BBS9: variants seen among roughly 807,000 people sequenced by gnomAD.
BBS9 encodes Bardet-Biedl syndrome 9, also known as protein PTHB1.
A neutral mutation model predicts 117.7 loss-of-function variants in BBS9; 89 were observed. That is an observed-to-expected ratio of 0.76 (90% CI 0.64 to 0.90). The LOEUF is 0.90. BBS9 is among the 40% of genes least tolerant of loss of function. BBS9 has a pLI of 0.00. For synonymous variants in BBS9, 379 were observed against 370.9 expected (o/e 1.02, Z -0.25); for missense variants, 982 against 1,042.2 (o/e 0.94, Z 0.80).
At chr7:33,594,401 A>C (rs950303635) in intron 21 of BBS9, among the ~76,000 whole-genome samples, 1 of 149,604 alleles carries the variant, frequency 6.7e-6, no homozygotes, top group Admixed American at 6.7e-5. Flanking sequence ...CTGCAGCTGA[A>C]CACTGTTGTC....
At chr7:33,413,545 C>T (rs1268194199) in intron 19 of BBS9, among the ~76,000 whole-genome samples, 1 of 152,124 alleles carries the variant, frequency 6.6e-6, no homozygotes, top group Non-Finnish European at 1.5e-5. Flanking sequence ...ACATCAATAT[C>T]ACTGTTTTCA....
chr7:33,593,986 A>G (rs1174968617), intron 21 of BBS9, among the ~76,000 whole-genome samples: 1 of 152,166 alleles, frequency 6.6e-6, no homozygotes, highest in East Asian at 1.9e-4. Context: ...AATTCTAACC[A>G]GCAATCCAGC....
At chr7:33,384,844 T>A (rs1449438039) in intron 18 of BBS9, among the ~76,000 whole-genome samples, 1 of 152,002 alleles carries the variant, frequency 6.6e-6, no homozygotes, top group African/African-American at 2.4e-5. Context: ...AAAAAGAAAA[T>A]TTCAGGTGTA....
intron 21 of BBS9, among the ~76,000 whole-genome samples, chr7:33,547,313 A>C (rs1853559901): frequency 6.6e-6 from 1 of 152,196 alleles, no homozygotes; most frequent in Non-Finnish European, 1.5e-5. Context: ...TCAGGGTTTT[A>C]ATTTCTTCTC....
intron 5 of BBS9, among the ~76,000 whole-genome samples, chr7:33,214,875 A>G (rs1000002438): frequency 6.6e-6 from 1 of 152,208 alleles, no homozygotes; most frequent in African/African-American, 2.4e-5. Flanking sequence ...AAAGACTCCA[A>G]ATAGCCAAAG....
intron 5 of BBS9, among the ~76,000 whole-genome samples, chr7:33,202,617 A>G (rs1020390689): frequency 5.9e-5 from 9 of 152,192 alleles, no homozygotes; most frequent in African/African-American, 1.4e-4. Context: ...CACGTCTTAC[A>G]TGGTTGGATA....
intron 9 of BBS9, among the ~76,000 whole-genome samples, chr7:33,298,938 G>A (rs957478916): frequency 2.6e-5 from 4 of 152,138 alleles, no homozygotes. Context: ...GGCCAACCTG[G>A]GAGAAAATAT....
At chr7:33,163,913 T>C (rs1795255934) in intron 4 of BBS9, among the ~76,000 whole-genome samples, 1 of 152,208 alleles carries the variant, frequency 6.6e-6, no homozygotes, top group Admixed American at 6.5e-5. Flanking sequence ...GTTCTTTTAA[T>C]TGTGATGTTA....
At chr7:33,387,333 C>A (rs1584607045) in intron 18 of BBS9, among the ~76,000 whole-genome samples, 1 of 152,138 alleles carries the variant, frequency 6.6e-6, no homozygotes, top group Non-Finnish European at 1.5e-5. Context: ...TGGATTGTTG[C>A]TGATTTCCTA....
Position 33,216,279 on chromosome 7 carries a change from G to C in BBS9, c.442+38688G>C, listed in dbSNP as rs943086508. On this transcript the variant is annotated intron_variant, in intron 5 of 22. Transcript: ENST00000242067. ...TAAACACTGTCTTTAAAAATAGAAT[G>C]GTTCTTCCATTAGTAGCAGAAATTC... 3.3e-5 allele frequency among the ~76,000 whole-genome samples: 5 copies of C among 152,100 alleles called. No homozygotes were observed. In the South Asian group the frequency reaches 8.3e-4, roughly 25 times the overall value.
At chr7:33,139,785 G>T (rs904335591) in intron 1 of BBS9, among the ~76,000 whole-genome samples, 5 of 152,148 alleles carry the variant, frequency 3.3e-5, no homozygotes, top group African/African-American at 4.8e-5. Context: ...TGATGCAGGA[G>T]TGAGCAGAGG....
At chr7:33,603,712 G>T (rs1160678514) in intron 21 of BBS9, among the ~76,000 whole-genome samples, 2 of 152,060 alleles carry the variant, frequency 1.3e-5, no homozygotes, top group Non-Finnish European at 2.9e-5. Flanking sequence ...GTATGGCTGG[G>T]CAAGTTCCAT....
At chr7:33,389,455 C>G (rs1259599630) in intron 19 of BBS9, among the ~76,000 whole-genome samples, 1 of 151,964 alleles carries the variant, frequency 6.6e-6, no homozygotes, top group Non-Finnish European at 1.5e-5. Flanking sequence ...TTTGGGAGGC[C>G]TAGGCGGGCG....
chr7:33,314,301 T>A (rs1339107382), intron 9 of BBS9: 2 of 430,104 alleles, frequency 4.7e-6, no homozygotes, highest in Admixed American at 5.3e-5. Flanking sequence ...TCTTCCACTT[T>A]AGAAAAATGA....
chr7:33,231,538 AT>A (rs911935658), intron 5 of BBS9, among the ~76,000 whole-genome samples: 5 of 149,346 alleles, frequency 3.3e-5, no homozygotes, highest in Non-Finnish European at 5.9e-5. Flanking sequence ...CATTCTCAGA[AT>A]TTTTTTTAGC....
intron 5 of BBS9, among the ~76,000 whole-genome samples, chr7:33,189,625 C>G (rs7797597): frequency 6.6e-6 from 1 of 151,362 alleles, no homozygotes; most frequent in African/African-American, 2.4e-5. Flanking sequence ...TGGTGGCTCA[C>G]GCCTGTAATC....
chr7:33,599,791 C>T (rs1863507477), intron 21 of BBS9, among the ~76,000 whole-genome samples: 1 of 152,136 alleles, frequency 6.6e-6, no homozygotes, highest in South Asian at 2.1e-4. Flanking sequence ...AAAACTATCA[C>T]ATATAACAGC....
chr7:33,598,815 C>T (rs2129194908), intron 21 of BBS9, among the ~76,000 whole-genome samples: 1 of 152,266 alleles, frequency 6.6e-6, no homozygotes, highest in South Asian at 2.1e-4. Flanking sequence ...GTGTTAAATG[C>T]CTCTAGGAAG....
In BBS9 at chr7:33,302,209, T is replaced by G. The variant is rs11981443; in HGVS notation, c.1016+28253T>G. ...GTCAGAAGGATAGTTTGAACATATT[T>G]TCTCCCATTCTGTGGGTTGTCTCTT... is the stretch of plus-strand genomic sequence containing the variant. On this transcript the variant is annotated intron_variant, in intron 9 of 22. Coordinates refer to ENST00000242067, the MANE Select transcript of BBS9 (RefSeq NM_198428.3). Among the ~76,000 whole-genome samples, 424 of 152,318 alleles carry G rather than the reference T, an allele frequency of 2.8e-3. 1 individual carries two copies. Among genetic ancestry groups the G allele is most frequent in the African/African-American group, 9.9e-3 (413 of 41,580 alleles).
Sources: gnomAD v4.1 joint callset for allele counts (sites outside exome capture counted in the v4.1 genomes callset) on GRCh38, gnomAD v4.1.1 for gene constraint, MANE v1.5 for transcripts, NCBI Gene and HGNC (gene_info 2026-07-23, HGNC 2026-07-21) for gene names.